PCDHA7: variants seen among roughly 807,000 people sequenced by gnomAD.
PCDHA7 encodes the protein protocadherin alpha 7.
A neutral mutation model predicts 57.2 loss-of-function variants in PCDHA7; 37 were observed. The ratio of observed to expected loss-of-function variants is 0.65; its 90% CI spans 0.50 to 0.85. The LOEUF is 0.85. Ranked by LOEUF, PCDHA7 falls within the 40% of genes least tolerant of loss-of-function variation. PCDHA7 has a pLI of 0.00. For missense variants in PCDHA7, 1,188 were observed against 1,241.8 expected, an observed-to-expected ratio of 0.96 and a Z score of 0.65; for synonymous variants, 553 against 558.8, an observed-to-expected ratio of 0.99 and a Z score of 0.15.
chr5:140,869,610 C>T (rs782688712), intron 1 of PCDHA7: 1 of 1,613,928 alleles, frequency 6.2e-7, no homozygotes, highest in South Asian at 1.1e-5. Flanking sequence ...CTCTATTGAC[C>T]TACAGGCTAA....
intron 1 of PCDHA7, chr5:140,869,210 C>A (rs781978731): frequency 1.7e-5 from 28 of 1,613,814 alleles, no homozygotes; most frequent in African/African-American, 1.5e-4. Context: ...TACTCCGTCT[C>A]GGAGGAGGCC....
intron 1 of PCDHA7, among the ~76,000 whole-genome samples, chr5:140,978,500 G>T (rs1480843119): frequency 2.0e-5 from 3 of 152,228 alleles, no homozygotes; most frequent in Non-Finnish European, 2.9e-5. Context: ...GCAGCAGATT[G>T]CAGTCCTCTG....
chr5:140,928,161 C>A, intron 1 of PCDHA7: 3 of 1,613,960 alleles, frequency 1.9e-6, no homozygotes, highest in East Asian at 2.2e-5. Context: ...GTGGCTCACC[C>A]CCACTTAGCA....
chr5:140,969,509 C>T (rs1554231905), intron 1 of PCDHA7: 1 of 1,416,140 alleles, frequency 7.1e-7, no homozygotes, highest in Non-Finnish European at 9.4e-7. Context: ...AAAAATAGCA[C>T]TAAAGAATTG....
chr5:140,844,571 T>G (rs1416812482), intron 1 of PCDHA7, among the ~76,000 whole-genome samples: 1 of 149,562 alleles, frequency 6.7e-6, no homozygotes, highest in Non-Finnish European at 1.5e-5. Context: ...TTCAATAATA[T>G]TCCACATTAA....
Position 140,850,482 on chromosome 5 carries a change from G to T in PCDHA7, c.2355+13744G>T, listed in dbSNP as rs2150486061. On this transcript the variant is annotated intron_variant, in intron 1 of 3. Coordinates refer to ENST00000525929, the MANE Select transcript of PCDHA7 (RefSeq NM_018910.3). ...CGGGGAGCCAGCGCTGACGGCCACG[G>T]CCACTGTGCTGGTGTCGCTGGTGGA... 5 of 1,598,110 alleles carry T rather than the reference G, an allele frequency of 3.1e-6. No homozygotes were observed. The South Asian group carries it at 5.5e-5, about 18-fold the overall frequency.
intron 1 of PCDHA7, chr5:140,861,480 T>C (rs2046942458): frequency 4.1e-6 from 2 of 490,608 alleles, no homozygotes; most frequent in African/African-American, 2.0e-5. Flanking sequence ...GAATGGCATT[T>C]TTGTGAGTTC....
chr5:140,906,877 A>G (rs1361751716), intron 1 of PCDHA7, among the ~76,000 whole-genome samples: 1 of 152,122 alleles, frequency 6.6e-6, no homozygotes, highest in Non-Finnish European at 1.5e-5. Context: ...CAACACTGTA[A>G]CTTCCTTCTT....
intron 1 of PCDHA7, among the ~76,000 whole-genome samples, chr5:140,897,816 G>C (rs1305259522): frequency 1.1e-4 from 16 of 152,078 alleles, no homozygotes; most frequent in Non-Finnish European, 1.9e-4. Flanking sequence ...CAGTGTAAAA[G>C]TGTTCCTATT....
intron 1 of PCDHA7, among the ~76,000 whole-genome samples, chr5:140,976,893 A>G (rs1240555240): frequency 2.0e-5 from 3 of 152,212 alleles, no homozygotes; most frequent in African/African-American, 7.2e-5. Context: ...GATACATGCA[A>G]CAGTATGTAA....
chr5:140,900,734 G>C (rs2068260899), intron 1 of PCDHA7, among the ~76,000 whole-genome samples: 1 of 152,200 alleles, frequency 6.6e-6, no homozygotes, highest in African/African-American at 2.4e-5. Flanking sequence ...CTAGCAGTGG[G>C]ATTTCTGGAT....
intron 1 of PCDHA7, chr5:140,859,968 T>A (rs1262644180): frequency 6.6e-6 from 1 of 151,956 alleles, no homozygotes; most frequent in Non-Finnish European, 1.5e-5. Flanking sequence ...AAGTCTCAGG[T>A]ATACAAGTGC....
At chr5:140,888,686 T>C (rs1326536229) in intron 1 of PCDHA7, among the ~76,000 whole-genome samples, 1 of 152,214 alleles carries the variant, frequency 6.6e-6, no homozygotes, top group Non-Finnish European at 1.5e-5. Context: ...AAGAGGTCTC[T>C]CTTCTCTGAT....
chr5:140,927,705 C>T (rs2084535217), intron 1 of PCDHA7: 1 of 1,614,100 alleles, frequency 6.2e-7, no homozygotes, highest in African/African-American at 1.3e-5. Flanking sequence ...TCCAGTACTC[C>T]CTAAGCAACA....
chr5:140,875,889 G>C, intron 1 of PCDHA7: 1 of 1,614,174 alleles, frequency 6.2e-7, no homozygotes, highest in South Asian at 1.1e-5. Context: ...GGGAACAAAA[G>C]GTACCTGTTT....
chr5:140,851,300 A>G (rs2042018039), intron 1 of PCDHA7: 2 of 1,017,502 alleles, frequency 2.0e-6, no homozygotes, highest in East Asian at 1.2e-4. Context: ...GCAAAAATAT[A>G]TAGCAATTGT....
intron 1 of PCDHA7, among the ~76,000 whole-genome samples, chr5:140,974,533 C>T (rs540810616): frequency 1.5e-4 from 23 of 152,160 alleles, no homozygotes; most frequent in Middle Eastern, 6.8e-3. Flanking sequence ...TTTTTTGAGA[C>T]GGAGTTTTGC....
intron 1 of PCDHA7, among the ~76,000 whole-genome samples, chr5:140,891,443 T>C (rs1181273099): frequency 6.7e-6 from 1 of 148,474 alleles, no homozygotes; most frequent in Non-Finnish European, 1.5e-5. Flanking sequence ...GTCCATTGTA[T>C]AGGATTTTTG....
At chr5:140,910,357 T>C (rs1394310433) in intron 1 of PCDHA7, among the ~76,000 whole-genome samples, 3 of 152,226 alleles carry the variant, frequency 2.0e-5, no homozygotes, top group African/African-American at 7.2e-5. Flanking sequence ...CTGTCCATTA[T>C]GGTAGCTATG....
Sources: allele counts gnomAD v4.1 joint callset (sites outside exome capture counted in the v4.1 genomes callset), GRCh38; gene constraint gnomAD v4.1.1; transcripts MANE v1.5; gene names NCBI Gene and HGNC (gene_info 2026-07-23, HGNC 2026-07-21).